Variants in PKDCC observed in about 807,000 individuals in gnomAD.
PKDCC encodes the protein protein kinase domain containing, cytoplasmic, also known as extracellular tyrosine-protein kinase PKDCC.
In PKDCC, 35 loss-of-function variants were observed where a neutral mutation model predicts 44.7. The observed-to-expected ratio is 0.78, with a 90% CI of 0.60 to 1.04. PKDCC has a LOEUF of 1.04. Ranked by LOEUF, PKDCC falls within the 50% of genes least tolerant of loss-of-function variation. The probability of loss-of-function intolerance (pLI) is 0.00; values close to 1 mark genes in which losing one functional copy is unlikely to be tolerated. For synonymous variants in PKDCC, 353 were observed against 303.3 expected, an observed-to-expected ratio of 1.16 and a Z score of -1.70; for missense variants, 738 against 672.7, an observed-to-expected ratio of 1.10 and a Z score of -1.07.
chr2:42,053,816 A>T (rs1396346571), intron 2 of PKDCC, among the ~76,000 whole-genome samples: 1 of 152,020 alleles, frequency 6.6e-6, no homozygotes, highest in Non-Finnish European at 1.5e-5. Flanking sequence ...CACCCACTCC[A>T]TATCATTTCC....
At position 42,052,736 on chromosome 2, in the gene PKDCC, T is replaced by C. The variant is rs903547816; in HGVS notation, c.640-503T>C. 2.0e-5 allele frequency among the ~76,000 whole-genome samples: 3 copies of C among 146,736 alleles called. No homozygotes were observed. Among genetic ancestry groups the C allele is most frequent in the African/African-American group, 7.7e-5 (3 of 38,962 alleles). On this transcript the variant is annotated intron_variant, in intron 1 of 6. Transcript: ENST00000294964. The surrounding 1 kb of genome is among the most constrained non-coding windows in gnomAD (Gnocchi z 4.3). Reference sequence around the variant, plus strand: ...CAGCCTGGGCAACAGAGCGAGGCTGTCTCAAAAAAAAAAAAAGAAAAGAAA... The same window carrying C: ...CAGCCTGGGCAACAGAGCGAGGCTGCCTCAAAAAAAAAAAAAGAAAAGAAA...
Position 42,052,071 on chromosome 2 carries a change from TA to T in PKDCC, c.640-1167del, listed in dbSNP as rs1289693587. 1.3e-5 allele frequency among the ~76,000 whole-genome samples: 2 copies of T among 151,896 alleles called. No homozygotes were observed. Among genetic ancestry groups the T allele is most frequent in the Non-Finnish European group, 2.9e-5 (2 of 67,948 alleles). On this transcript the variant is annotated intron_variant, in intron 1 of 6. Transcript: ENST00000294964. The surrounding 1 kb of genome is among the most constrained non-coding windows in gnomAD (Gnocchi z 4.3). ...ATGCCTGTGGGTGCTGTTAAGGTGG[TA>T]GTGACACTCAGGCTTTGCTTCCCAG...
chr2:42,054,487 TAGAC>T lies in PKDCC; in HGVS notation c.1034+183_1034+186del, dbSNP rs1404591325. On this transcript the variant is annotated intron_variant, in intron 3 of 6. Coordinates refer to ENST00000294964, the MANE Select transcript of PKDCC (RefSeq NM_138370.3). The surrounding 1 kb of genome is among the most constrained non-coding windows in gnomAD (Gnocchi z 6.1). Reference sequence around the variant, plus strand: ...AGGCCTCTGATGGAGAGGCTAAAAATAGACAGCTCCAAGGAGAATCCGGGTTAGG... The same window carrying T: ...AGGCCTCTGATGGAGAGGCTAAAAATAGCTCCAAGGAGAATCCGGGTTAGG... 1.7e-5 allele frequency: 12 copies of T among 726,406 alleles called. No homozygotes were observed. Among genetic ancestry groups the T allele is most frequent in the African/African-American group, 8.9e-5 (5 of 56,138 alleles). 45.0% of individuals were successfully genotyped at this position (726,406 alleles called of 1,614,324 possible).
rs138612326 is a variant in PKDCC, at chr2:42,052,475, G to A, written c.640-764G>A. Among the ~76,000 whole-genome samples, 63 of 152,322 alleles carry A rather than the reference G, an allele frequency of 4.1e-4. 1 individual carries two copies. The East Asian group carries it at 0.01, about 25-fold the overall frequency. On this transcript the variant is annotated intron_variant, in intron 1 of 6. Coordinates refer to ENST00000294964, the MANE Select transcript of PKDCC (RefSeq NM_138370.3). This position sits in a 1 kb window ranked among gnomAD's most constrained non-coding sequence, Gnocchi z 4.3. ...TAGAAAAAACAGATTGTGGCCGGGCGCAGTGGCTCACGCCTGTAATCCCAA... is the reference window on the plus strand; with the variant it reads ...TAGAAAAAACAGATTGTGGCCGGGCACAGTGGCTCACGCCTGTAATCCCAA...
rs1180429196 is a variant in PKDCC, at chr2:42,053,265, C to T, written c.666C>T (p.Ser222=). 5.0e-6 allele frequency: 8 copies of T among 1,612,680 alleles called. No individual in the cohort carries two copies. Among genetic ancestry groups the T allele is most frequent in the African/African-American group, 2.7e-5 (2 of 74,826 alleles). Residue 222 remains serine, a synonymous_variant, in exon 2 of 7, where the codon AGC becomes AGT. Coordinates refer to ENST00000294964, the MANE Select transcript of PKDCC (RefSeq NM_138370.3). ...LQLYGYCYQD[S]EDIPDTLTTI... Reference sequence around the variant, plus strand: ...TCTATGGCTACTGCTACCAGGACAGCGAGGACATCCCAGACACCCTGACCA... The same window carrying T: ...TCTATGGCTACTGCTACCAGGACAGTGAGGACATCCCAGACACCCTGACCA...
chr2:42,048,921 G>A lies in PKDCC; in HGVS notation c.639+83G>A, dbSNP rs902432999. The A allele has an allele frequency of 7.4e-6, 10 of 1,345,584 alleles. No individual in the cohort carries two copies. The East Asian group carries it at 2.7e-4, about 36-fold the overall frequency. The allele number at this position is 1,345,584 out of a possible 1,614,324, so 83.4% of individuals were successfully genotyped here. ...CAACCTGGCTGGAAGAGAACCCCTT[G>A]ATCTGGAGTGCCAGTGACTGCACCC... is the stretch of plus-strand genomic sequence containing the variant. On this transcript the variant is annotated intron_variant, in intron 1 of 6. Transcript: ENST00000294964. This position sits in a 1 kb window ranked among gnomAD's most constrained non-coding sequence, Gnocchi z 6.2.
chr2:42,053,737 A>C (rs903317261), intron 2 of PKDCC, among the ~76,000 whole-genome samples: 2 of 152,136 alleles, frequency 1.3e-5, no homozygotes, highest in South Asian at 4.1e-4. Flanking sequence ...CACTGAACTA[A>C]AACAACATTC....
Position 42,055,299 on chromosome 2 carries a change from G to C in PKDCC, c.1128G>C (p.Trp376Cys), listed in dbSNP as rs747921012. The change falls in exon 5 of 7, where the codon TGG becomes TGC. Residue 376 changes from tryptophan to cysteine, a missense_variant. Coordinates refer to ENST00000294964, the MANE Select transcript of PKDCC (RefSeq NM_138370.3). This position sits in a 1 kb window ranked among gnomAD's most constrained non-coding sequence, Gnocchi z 4.5. ...TGCACTCTGCAGGAGAGCTCGCCTG[G>C]GGGGTGGACGAGACCCTGGCCCAGC... ...SIVNATGELA[W>C]GVDETLAQLE... 74 of 1,613,226 alleles carry C rather than the reference G, an allele frequency of 4.6e-5. 1 individual carries two copies. Among genetic ancestry groups the C allele is most frequent in the East Asian group, 1.1e-4 (5 of 44,874 alleles).
chr2:42,052,750 A>G lies in PKDCC; in HGVS notation c.640-489A>G, dbSNP rs1667990534. Among the ~76,000 whole-genome samples, 1 of 150,658 alleles carries G rather than the reference A, an allele frequency of 6.6e-6. No homozygotes were observed. The highest frequency in any genetic ancestry group is 2.4e-5 in the African/African-American group (1 of 41,200). ...GAGCGAGGCTGTCTCAAAAAAAAAAAAAGAAAAGAAAAGAAAAATAAATAA... is the reference window on the plus strand; with the variant it reads ...GAGCGAGGCTGTCTCAAAAAAAAAAGAAGAAAAGAAAAGAAAAATAAATAA... On this transcript the variant is annotated intron_variant, in intron 1 of 6. Transcript: ENST00000294964. The surrounding 1 kb of genome is among the most constrained non-coding windows in gnomAD (Gnocchi z 4.3).
At position 42,048,219 on chromosome 2, in the gene PKDCC, C is replaced by T; in HGVS notation, c.20C>T (p.Ala7Val). MRRRRA[A>V]VAAGFCASFL... is the part of the protein sequence containing the mutation. ...GGAGCGATGCGGCGCCGGCGGGCGG[C>T]AGTGGCCGCGGGTTTCTGCGCCTCC... The change falls in exon 1 of 7, where the codon GCA becomes GTA. Residue 7 changes from alanine (A) to valine (V), a missense_variant. By Grantham distance (64) the Ala-to-Val change is moderately conservative. Coordinates refer to ENST00000294964, the MANE Select transcript of PKDCC (RefSeq NM_138370.3). This position sits in a 1 kb window ranked among gnomAD's most constrained non-coding sequence, Gnocchi z 6.2. 1 of 1,214,250 alleles carries T rather than the reference C, an allele frequency of 8.2e-7. No individual in the cohort carries two copies. Among genetic ancestry groups the T allele is most frequent in the Non-Finnish European group, 1.0e-6 (1 of 966,830 alleles). 75.2% of individuals were successfully genotyped at this position (1,214,250 alleles called of 1,614,324 possible).
intron 1 of PKDCC, among the ~76,000 whole-genome samples, chr2:42,050,042 G>T (rs963388332): frequency 6.6e-6 from 1 of 152,168 alleles, no homozygotes; most frequent in African/African-American, 2.4e-5. Flanking sequence ...GGTGGGCGTC[G>T]TAGAGCAGGA....
rs972452431 is a variant in PKDCC at position 42,048,991 on chromosome 2, C to T, written c.639+153C>T. 6.6e-6 allele frequency among the ~76,000 whole-genome samples: 1 copy of T among 152,154 alleles called. No homozygotes were observed. Among genetic ancestry groups the T allele is most frequent in the African/African-American group, 2.4e-5 (1 of 41,436 alleles). On this transcript the variant is annotated intron_variant, in intron 1 of 6. Transcript: ENST00000294964. The surrounding 1 kb of genome is among the most constrained non-coding windows in gnomAD (Gnocchi z 6.2). ...AACCGGACCATGGCCCTTCCCACTGCACCACCCTGCTTCTCACTCCTGGGT... is the reference window on the plus strand; with the variant it reads ...AACCGGACCATGGCCCTTCCCACTGTACCACCCTGCTTCTCACTCCTGGGT...
chr2:42,053,309 C>A lies in PKDCC; in HGVS notation c.710C>A (p.Ala237Asp), dbSNP rs760674135. Residue 237 changes from alanine to aspartate, a missense_variant, in exon 2 of 7, where the codon GCC (alanine) becomes GAC (aspartate). Ala to Asp is a moderately radical substitution (Grantham distance 126). Coordinates refer to ENST00000294964, the MANE Select transcript of PKDCC (RefSeq NM_138370.3). ...DTLTTITELG[A>D]PVEMIQLLQT... The stretch of plus-strand genomic sequence containing the variant: ...CTGACCACCATCACGGAGCTGGGCG[C>A]CCCTGTAGAAATGATCCAGCTGCTG... 3 of 1,613,888 alleles carry A rather than the reference C, an allele frequency of 1.9e-6. No homozygotes were observed. Among genetic ancestry groups the A allele is most frequent in the Admixed American group, 3.3e-5 (2 of 59,978 alleles).
Position 42,048,833 on chromosome 2 carries a change from C to A in PKDCC, c.634C>A (p.Leu212Met). The stretch of plus-strand genomic sequence containing the variant: ...GGAGCGGCTGCGGCACCCCAACGTG[C>A]TGCAGGTACGAGGGTGGGGACGCGG... The part of the protein sequence containing the change: ...LLERLRHPNV[L>M]QLYGYCYQDS... Residue 212 changes from leucine (L) to methionine (M), a missense_variant, in exon 1 of 7, where the codon CTG becomes ATG. Transcript: ENST00000294964. This position sits in a 1 kb window ranked among gnomAD's most constrained non-coding sequence, Gnocchi z 6.2. The A allele has an allele frequency of 6.8e-7, 1 of 1,465,214 alleles. No individual in the cohort carries two copies. The allele number at this position is 1,465,214 out of a possible 1,614,324, so 90.8% of individuals were successfully genotyped here. A position where few individuals can be genotyped will look rare whatever the true frequency, so the allele number is the denominator to read the frequency against.
chr2:42,056,541 C>T (rs1668059468), intron 5 of PKDCC, among the ~76,000 whole-genome samples: 1 of 152,168 alleles, frequency 6.6e-6, no homozygotes, highest in Non-Finnish European at 1.5e-5. Context: ...TGAACCCTTG[C>T]AGGCCACACT....
In PKDCC at chr2:42,048,228, C is replaced by T. The variant is rs1033131332; in HGVS notation, c.29C>T (p.Ala10Val). MRRRRAAVA[A>V]GFCASFLLGS... Reference sequence around the variant, plus strand: ...CGGCGCCGGCGGGCGGCAGTGGCCGCGGGTTTCTGCGCCTCCTTCCTGCTG... The same window carrying T: ...CGGCGCCGGCGGGCGGCAGTGGCCGTGGGTTTCTGCGCCTCCTTCCTGCTG... The change falls in exon 1 of 7, where the codon GCG becomes GTG. Residue 10 changes from alanine (A) to valine (V), a missense_variant. Transcript: ENST00000294964. This position sits in a 1 kb window ranked among gnomAD's most constrained non-coding sequence, Gnocchi z 6.2. The T allele has an allele frequency of 2.4e-6, 3 of 1,246,536 alleles. No individual in the cohort carries two copies. Among genetic ancestry groups the T allele is most frequent in the Non-Finnish European group, 3.0e-6 (3 of 983,708 alleles). 77.2% of individuals were successfully genotyped at this position (1,246,536 alleles called of 1,614,324 possible). A position where few individuals can be genotyped will look rare whatever the true frequency, so the allele number is the denominator to read the frequency against.
rs1667988994 is a variant in PKDCC, at chr2:42,052,680, C to G, written c.640-559C>G. 6.6e-6 allele frequency among the ~76,000 whole-genome samples: 1 copy of G among 150,566 alleles called. No homozygotes were observed. Among genetic ancestry groups the G allele is most frequent in the East Asian group, 1.9e-4 (1 of 5,138 alleles). On this transcript the variant is annotated intron_variant, in intron 1 of 6. Coordinates refer to ENST00000294964, the MANE Select transcript of PKDCC (RefSeq NM_138370.3). This position sits in a 1 kb window ranked among gnomAD's most constrained non-coding sequence, Gnocchi z 4.3. ...AGGAGAATCGCCCGCACCCAGGAAG[C>G]AGAGTGAGCTGAGATCATGCCACTG...
chr2:42,051,474 C>T lies in PKDCC; in HGVS notation c.640-1765C>T, dbSNP rs949710152. 7.7e-5 allele frequency among the ~76,000 whole-genome samples: 9 copies of T among 117,288 alleles called. No homozygotes were observed. Among genetic ancestry groups the T allele is most frequent in the Admixed American group, 1.8e-4 (2 of 11,040 alleles). 76.9% of individuals were successfully genotyped at this position (117,288 alleles called of 152,430 possible). A position where few individuals can be genotyped will look rare whatever the true frequency, so the allele number is the denominator to read the frequency against. ...AAGATGTGACTGAAATGCTCAGCCT[C>T]ACGCTTCCTGGGGGGGGTTAATGGT... On this transcript the variant is annotated intron_variant, in intron 1 of 6. Coordinates refer to ENST00000294964, the MANE Select transcript of PKDCC (RefSeq NM_138370.3). This position sits in a 1 kb window ranked among gnomAD's most constrained non-coding sequence, Gnocchi z 4.2.
At position 42,055,060 on chromosome 2, in the gene PKDCC, C is replaced by G. The variant is rs1668030453; in HGVS notation, c.1114+40C>G. On this transcript the variant is annotated intron_variant, in intron 4 of 6. Coordinates refer to ENST00000294964, the MANE Select transcript of PKDCC (RefSeq NM_138370.3). The surrounding 1 kb of genome is among the most constrained non-coding windows in gnomAD (Gnocchi z 4.5). Reference sequence around the variant, plus strand: ...GCCCATCTGCTTCCAGGCACCTACCCCACCCCCACCCGCCAGCAAAAGTGG... The same window carrying G: ...GCCCATCTGCTTCCAGGCACCTACCGCACCCCCACCCGCCAGCAAAAGTGG... 1 of 1,569,252 alleles carries G rather than the reference C, an allele frequency of 6.4e-7. No individual in the cohort carries two copies. The highest frequency in any genetic ancestry group is 1.7e-5 in the Admixed American group (1 of 59,498).
Sources: allele counts gnomAD v4.1 joint callset (sites outside exome capture counted in the v4.1 genomes callset), GRCh38; gene constraint gnomAD v4.1.1; non-coding constraint Gnocchi (gnomAD v3.1); transcripts MANE v1.5; gene names NCBI Gene and HGNC (gene_info 2026-07-23, HGNC 2026-07-21).